Variants in CANT1 observed in about 807,000 individuals in gnomAD.
CANT1 encodes calcium activated nucleotidase 1, also known as soluble calcium-activated nucleotidase 1.
CANT1 carries 26 observed loss-of-function variants against 30.0 expected under a neutral mutation model. The observed-to-expected ratio is 0.87, with a 90% CI of 0.64 to 1.20. The LOEUF (loss-of-function observed/expected upper bound fraction) is 1.20, where lower values mean the gene tolerates loss of function less well. Among genes scored for constraint, CANT1 ranks in the 50% most tolerant of loss-of-function variants. The probability of loss-of-function intolerance (pLI) is 0.00; values close to 1 mark genes in which losing one functional copy is unlikely to be tolerated. For synonymous variants in CANT1, 246 were observed against 251.8 expected (o/e 0.98, Z 0.22); for missense variants, 518 against 563.0 (o/e 0.92, Z 0.81).
chr17:78,999,053 G>A (rs928208957), intron 1 of CANT1, among the ~76,000 whole-genome samples: 4 of 152,116 alleles, frequency 2.6e-5, no homozygotes, highest in African/African-American at 9.7e-5. Context: ...CCTTCTCCAC[G>A]CCGCAGCCTG....
In CANT1 at chr17:78,993,903, A is replaced by G. The variant is rs958697046; in HGVS notation, c.853T>C (p.Ser285Pro). Residue 285 changes from serine to proline, a missense_variant, in exon 5 of 5, where the codon TCT becomes CCT. Transcript: ENST00000392446. The surrounding 1 kb of genome is among the most constrained non-coding windows in gnomAD (Gnocchi z 4.5). ...IQPPGYLIHE[S>P]ACWSDTLQRW... is the part of the protein sequence containing the mutation. ...TGCAGCGTGTCACTCCAGCAGGCAG[A>G]CTCATGGATGAGGTAGCCTGGGAAC... 3.1e-6 allele frequency: 5 copies of G among 1,587,302 alleles called. No individual in the cohort carries two copies. The highest frequency in any genetic ancestry group is 4.3e-6 in the Non-Finnish European group (5 of 1,173,316).
Position 78,992,772 on chromosome 17 carries a change from C to A in CANT1, c.*778G>T. ...CAATCTCCCGCACTGCTGGAGCGGG[C>A]TGGGTAACTACAGGACTGTGCTCTG... is the stretch of plus-strand genomic sequence containing the variant. On this transcript the variant is annotated 3_prime_UTR_variant, in exon 5 of 5. Transcript: ENST00000392446. The A allele has an allele frequency of 3.4e-6, 2 of 583,518 alleles. No individual in the cohort carries two copies. Among genetic ancestry groups the A allele is most frequent in the Non-Finnish European group, 6.6e-6 (2 of 301,766 alleles). 36.1% of individuals were successfully genotyped at this position (583,518 alleles called of 1,614,324 possible).
rs1316802238 is a variant in CANT1, at chr17:78,992,162, A to T, written c.*1388T>A. The stretch of plus-strand genomic sequence containing the variant: ...CTACCTATGACATAGCGGGGGAAAG[A>T]GACAACCATGAGAGAGGGGTCCCTC... On this transcript the variant is annotated 3_prime_UTR_variant, in exon 5 of 5. Coordinates refer to ENST00000392446, the MANE Select transcript of CANT1 (RefSeq NM_001159773.2). The T allele has an allele frequency of 4.3e-6, 1 of 232,672 alleles. No homozygotes were observed. Among genetic ancestry groups the T allele is most frequent in the East Asian group, 6.1e-5 (1 of 16,482 alleles). The allele number at this position is 232,672 out of a possible 1,614,324, so 14.4% of individuals were successfully genotyped here.
At chr17:79,007,951 T>C (rs1005187115) in intron 1 of CANT1, 5 of 152,210 alleles carry the variant, frequency 3.3e-5, no homozygotes, top group African/African-American at 1.2e-4. Flanking sequence ...TTGTGACATG[T>C]CATTCTCTTT....
In CANT1 at chr17:78,992,003, A is replaced by G; in HGVS notation, c.*1547T>C. On this transcript the variant is annotated 3_prime_UTR_variant, in exon 5 of 5. Transcript: ENST00000392446. ...TGACCCAGCCTGGACATCAAGGACA[A>G]TGATCTAGGAGGCGGGTCAAGGAGA... 1 of 231,276 alleles carries G rather than the reference A, an allele frequency of 4.3e-6. No individual in the cohort carries two copies. The highest frequency in any genetic ancestry group is 1.8e-4 in the South Asian group (1 of 5,506). 14.3% of individuals were successfully genotyped at this position (231,276 alleles called of 1,614,324 possible).
chr17:79,007,939 C>T (rs1054839470), intron 1 of CANT1: 1 of 152,200 alleles, frequency 6.6e-6, no homozygotes, highest in Non-Finnish European at 1.5e-5. Context: ...CCCTCTACCA[C>T]CTTGTGACAT....
rs77976548 is a variant in CANT1, at chr17:78,995,316, G to A, written c.632-95C>T. The A allele has an allele frequency of 6.9e-4, 910 of 1,320,570 alleles. 3 individuals carry two copies. The East Asian group carries it at 0.016, about 23-fold the overall frequency. 81.8% of individuals were successfully genotyped at this position (1,320,570 alleles called of 1,614,324 possible). ...GGCCCCGCACCTGTCCTTAGACCCC[G>A]CACCTGACTCCCGCCCGGCTCCACA... On this transcript the variant is annotated intron_variant, in intron 3 of 4. Transcript: ENST00000392446. The surrounding 1 kb of genome is among the most constrained non-coding windows in gnomAD (Gnocchi z 5.7).
intron 1 of CANT1, among the ~76,000 whole-genome samples, chr17:79,004,282 G>A (rs111211062): frequency 1.8e-4 from 5 of 27,130 alleles, no homozygotes; most frequent in Non-Finnish European, 2.3e-4. Context: ...AGTTAGGGAG[G>A]GGGGAGTTAG....
intron 4 of CANT1, among the ~76,000 whole-genome samples, chr17:78,994,386 AG>A (rs1424700136): frequency 6.6e-6 from 1 of 152,120 alleles, no homozygotes; most frequent in Non-Finnish European, 1.5e-5. Flanking sequence ...GACTAGGGGG[AG>A]GCCAAAGTGC....
At chr17:79,000,469 C>A (rs992190089) in intron 1 of CANT1, among the ~76,000 whole-genome samples, 65 of 151,758 alleles carry the variant, frequency 4.3e-4, no homozygotes, top group African/African-American at 1.5e-3. Context: ...TCCCATACCC[C>A]CCGCCATGAA....
rs1391359903 is a variant in CANT1 at position 78,995,136 on chromosome 17, A to C, written c.717T>G (p.Asp239Glu). The C allele has an allele frequency of 6.2e-7, 1 of 1,613,986 alleles. No individual in the cohort carries two copies. Among genetic ancestry groups the C allele is most frequent in the Non-Finnish European group, 8.5e-7 (1 of 1,179,982 alleles). ...CCCACTCCGGGTTCTCGTTCACCAC[A>C]TCACCCGTAGTGGTCGTCCACTCCT... ...LGKEWTTTTG[D>E]VVNENPEWVK... The change falls in exon 4 of 5, where the codon GAT (aspartate) becomes GAG (glutamate). Residue 239 changes from aspartate to glutamate, a missense_variant. Physicochemically the swap from Asp to Glu is conservative, Grantham distance 45 (BLOSUM62 2). Coordinates refer to ENST00000392446, the MANE Select transcript of CANT1 (RefSeq NM_001159773.2). This position sits in a 1 kb window ranked among gnomAD's most constrained non-coding sequence, Gnocchi z 5.7.
At chr17:79,001,148 C>T (rs1482637763) in intron 1 of CANT1, among the ~76,000 whole-genome samples, 1 of 152,214 alleles carries the variant, frequency 6.6e-6, no homozygotes, top group Non-Finnish European at 1.5e-5. Context: ...ACAACGGTGC[C>T]TGCATAGACT....
intron 1 of CANT1, among the ~76,000 whole-genome samples, chr17:79,003,923 GAGGGAGCTGGGAGTT>G (rs1170725068): frequency 1.2e-4 from 17 of 136,122 alleles, no homozygotes; most frequent in Admixed American, 8.3e-4. Flanking sequence ...AGCCACCAGT[GAGGGAGCTGGGAGTT>G]AGGGAGCGGG....
rs1194444711 is a variant in CANT1, at chr17:78,992,044, A to G, written c.*1506T>C. 2 of 231,874 alleles carry G rather than the reference A, an allele frequency of 8.6e-6. No homozygotes were observed. The highest frequency in any genetic ancestry group is 4.4e-5 in the African/African-American group (2 of 45,248). The allele number at this position is 231,874 out of a possible 1,614,324, so 14.4% of individuals were successfully genotyped here. On this transcript the variant is annotated 3_prime_UTR_variant, in exon 5 of 5. Coordinates refer to ENST00000392446, the MANE Select transcript of CANT1 (RefSeq NM_001159773.2). ...GTCAAGGAGACAGCCAGGCAAAGTC[A>G]GAACAGACTTGGGGCTTCCAGGCTA...
chr17:78,994,854 A>G (rs2070973084), intron 4 of CANT1, among the ~76,000 whole-genome samples, 164 bp downstream of exon 4: 2 of 152,240 alleles, frequency 1.3e-5, no homozygotes, highest in Non-Finnish European at 2.9e-5. Context: ...CAGGAGGTGG[A>G]GGTTGCAGTG....
At position 78,992,742 on chromosome 17, in the gene CANT1, C is replaced by T. The variant is rs1300831769; in HGVS notation, c.*808G>A. ...CTTGCTTCACCAGCCGCCACCGCTT[C>T]CTTACAATCTCCCGCACTGCTGGAG... On this transcript the variant is annotated 3_prime_UTR_variant, in exon 5 of 5. Transcript: ENST00000392446. 2 of 596,258 alleles carry T rather than the reference C, an allele frequency of 3.4e-6. No individual in the cohort carries two copies. The highest frequency in any genetic ancestry group is 6.8e-5 in the East Asian group (2 of 29,446). 36.9% of individuals were successfully genotyped at this position (596,258 alleles called of 1,614,324 possible). A position where few individuals can be genotyped will look rare whatever the true frequency, so the allele number is the denominator to read the frequency against.
rs749194807 is a variant in CANT1 at position 78,993,746 on chromosome 17, G to A, written c.1010C>T (p.Ala337Val). 2.5e-6 allele frequency: 4 copies of A among 1,613,728 alleles called. No individual in the cohort carries two copies. Among genetic ancestry groups the A allele is most frequent in the East Asian group, 2.2e-5 (1 of 44,886 alleles). Residue 337 changes from alanine to valine, a missense_variant, in exon 5 of 5, where the codon GCG becomes GTG. Physicochemically the swap from Ala to Val is moderately conservative, Grantham distance 64. This residue lies in a region of CANT1 where 221 missense variants were observed against 211.8 expected (regional missense o/e 1.04). Coordinates refer to ENST00000392446, the MANE Select transcript of CANT1 (RefSeq NM_001159773.2). The surrounding 1 kb of genome is among the most constrained non-coding windows in gnomAD (Gnocchi z 4.5). Reference sequence around the variant, plus strand: ...CGAGAAGCCGTGAGTGGGGACCACCGCCCCGACGTGGCTCACAGCGATGTC... The same window carrying A: ...CGAGAAGCCGTGAGTGGGGACCACCACCCCGACGTGGCTCACAGCGATGTC... ...FGDIAVSHVG[A>V]VVPTHGFSSF...
In CANT1 at chr17:79,002,604, T is replaced by C. The variant is rs187625606; in HGVS notation, c.-146-4641A>G. Among the ~76,000 whole-genome samples the C allele has an allele frequency of 1.3e-5, 2 of 152,332 alleles. No individual in the cohort carries two copies. The highest frequency in any genetic ancestry group is 3.9e-4 in the East Asian group (2 of 5,178). ...ATTAAAGCCAGCTAGGACTCCTCCCTGGCATGCTGAGTCTGGCTGCACCGT... is the reference window on the plus strand; with the variant it reads ...ATTAAAGCCAGCTAGGACTCCTCCCCGGCATGCTGAGTCTGGCTGCACCGT... On this transcript the variant is annotated intron_variant, in intron 1 of 4. Coordinates refer to ENST00000392446, the MANE Select transcript of CANT1 (RefSeq NM_001159773.2). The surrounding 1 kb of genome is among the most constrained non-coding windows in gnomAD (Gnocchi z 4.0).
intron 1 of CANT1, among the ~76,000 whole-genome samples, chr17:79,001,819 C>T (rs2071273677): frequency 1.3e-5 from 2 of 152,136 alleles, no homozygotes; most frequent in Admixed American, 1.3e-4. Context: ...TGAAGACCCC[C>T]ACGCCTTTCT....
Sources: gnomAD v4.1 joint callset for allele counts (sites outside exome capture counted in the v4.1 genomes callset) on GRCh38, gnomAD v4.1.1 for gene constraint, gnomAD v4.1.1 regional missense constraint, Gnocchi (gnomAD v3.1) non-coding constraint, MANE v1.5 for transcripts, NCBI Gene and HGNC (gene_info 2026-07-23, HGNC 2026-07-21) for gene names.